PDGFRL: variants seen among roughly 807,000 people sequenced by gnomAD.
PDGFRL encodes platelet derived growth factor receptor like, also known as platelet-derived growth factor receptor-like protein.
Under a neutral mutation model 37.2 loss-of-function variants are expected in PDGFRL, and 46 were observed. The observed-to-expected ratio is 1.24, with a 90% CI of 0.98 to 1.58. PDGFRL has a LOEUF of 1.58. Among genes scored for constraint, PDGFRL ranks in the 40% most tolerant of loss-of-function variants. The pLI is 0.00. For synonymous variants in PDGFRL, 251 were observed against 184.3 expected, an observed-to-expected ratio of 1.36 and a Z score of -2.93; for missense variants, 692 against 467.6, an observed-to-expected ratio of 1.48 and a Z score of -4.43.
Position 17,628,774 on chromosome 8 carries a change from G to C in PDGFRL, c.793G>C (p.Val265Leu), listed in dbSNP as rs778509337. ...CTCCGTCAAGTACCAGCTGCTCTAT[G>C]TGGCGGGTAAGCCTGGCCACCCCTG... ...QISVKYQLLY[V>L]AVPSGPPSTT... is the part of the protein sequence containing the mutation. Residue 265 changes from valine to leucine, a missense_variant, in exon 4 of 6, where the codon GTG becomes CTG. Val to Leu is a conservative substitution (Grantham distance 32). Coordinates refer to ENST00000251630, the MANE Select transcript of PDGFRL (RefSeq NM_001372073.1). The C allele has an allele frequency of 6.6e-5, 106 of 1,612,682 alleles. No individual in the cohort carries two copies. The highest frequency in any genetic ancestry group is 8.5e-5 in the Non-Finnish European group (100 of 1,178,906).
chr8:17,634,235 C>G, intron 5 of PDGFRL, 22 bp downstream of exon 5: 4 of 1,583,870 alleles, frequency 2.5e-6, no homozygotes, highest in Non-Finnish European at 2.6e-6. Flanking sequence ...ACCTGCATCT[C>G]AGCCCCTGCG....
intron 1 of PDGFRL, among the ~76,000 whole-genome samples, chr8:17,577,592 C>T (rs2150804447): frequency 6.6e-6 from 1 of 151,898 alleles, no homozygotes; most frequent in South Asian, 2.1e-4. Context: ...ACCAAGCATC[C>T]CCAGCCAGCG....
intron 2 of PDGFRL, 68 bp downstream of exon 2, chr8:17,589,833 CTAT>C (rs900169455): frequency 1.1e-6 from 1 of 902,028 alleles, no homozygotes; most frequent in African/African-American, 1.7e-5. Flanking sequence ...TCCTTCTTAA[CTAT>C]TATTACACAT....
chr8:17,639,264 A>G (rs1320765226), intron 5 of PDGFRL, among the ~76,000 whole-genome samples: 1 of 152,108 alleles, frequency 6.6e-6, no homozygotes, highest in African/African-American at 2.4e-5. Context: ...TACATTCAAC[A>G]TTAGTATTCA....
At chr8:17,617,568 A>G (rs1804553530) in intron 2 of PDGFRL, among the ~76,000 whole-genome samples, 1 of 152,166 alleles carries the variant, frequency 6.6e-6, no homozygotes, top group Non-Finnish European at 1.5e-5. Flanking sequence ...AGACGATGAG[A>G]TACCATTGGT....
intron 2 of PDGFRL, among the ~76,000 whole-genome samples, chr8:17,598,236 A>G (rs1468341252): frequency 6.6e-6 from 1 of 152,236 alleles, no homozygotes; most frequent in Non-Finnish European, 1.5e-5. Context: ...ATTACTAACC[A>G]GCAAAGTGGT....
At position 17,604,694 on chromosome 8, in the gene PDGFRL, C is replaced by G. The variant is rs938056333; in HGVS notation, c.353+14929C>G. ...GGCACATGTATACATATGTAACAAA[C>G]CTGCACGTCATGCACATGTACTCTA... is the stretch of plus-strand genomic sequence containing the variant. On this transcript the variant is annotated intron_variant, in intron 2 of 5. Coordinates refer to ENST00000251630, the MANE Select transcript of PDGFRL (RefSeq NM_001372073.1). Among the ~76,000 whole-genome samples the G allele has an allele frequency of 1.8e-4, 27 of 152,016 alleles. 1 individual carries two copies. The highest frequency in any genetic ancestry group is 6.3e-4 in the African/African-American group (26 of 41,344).
Position 17,628,458 on chromosome 8 carries a change from A to G in PDGFRL, c.506-29A>G, listed in dbSNP as rs779299385. ...CTTTTACTTTGCGTCTCCGGAGTGA[A>G]TAAGCCTGTGTCTTCCTTCCCTTTG... On this transcript the variant is annotated intron_variant, in intron 3 of 5. Transcript: ENST00000251630. 7 of 1,599,090 alleles carry G rather than the reference A, an allele frequency of 4.4e-6. No individual in the cohort carries two copies. The East Asian group carries it at 1.1e-4, about 26-fold the overall frequency.
At chr8:17,577,178 CG>C, upstream of PDGFRL, 1 of 1,558,186 alleles carries the variant, frequency 6.4e-7, no homozygotes, top group Non-Finnish European at 8.7e-7. Flanking sequence ...GCCCGCCCCT[CG>C]CCCGCCGCCT....
chr8:17,607,652 T>A (rs994701551), intron 2 of PDGFRL, among the ~76,000 whole-genome samples: 1 of 152,168 alleles, frequency 6.6e-6, no homozygotes, highest in African/African-American at 2.4e-5. Flanking sequence ...TGCATGTATT[T>A]TATGAGTGAA....
At position 17,634,221 on chromosome 8, in the gene PDGFRL, T is replaced by C. The variant is rs7006613; in HGVS notation, c.939+8T>C. Reference sequence around the variant, plus strand: ...ATCTTCCCAGGGCAGAAGGTAAGTGTTGTACCTGCATCTCAGCCCCTGCGT... The same window carrying C: ...ATCTTCCCAGGGCAGAAGGTAAGTGCTGTACCTGCATCTCAGCCCCTGCGT... On this transcript the variant is annotated splice_region_variant and intron_variant, in intron 5 of 5. Coordinates refer to ENST00000251630, the MANE Select transcript of PDGFRL (RefSeq NM_001372073.1). 0.2 allele frequency: 326,386 copies of C among 1,601,214 alleles called. 47,258 individuals carry two copies. Among genetic ancestry groups the C allele is most frequent in the African/African-American group, 0.68 (50,947 of 74,674 alleles).
chr8:17,639,135 C>T (rs1182724875), intron 5 of PDGFRL, among the ~76,000 whole-genome samples: 1 of 152,034 alleles, frequency 6.6e-6, no homozygotes, highest in Non-Finnish European at 1.5e-5. Context: ...AGCCCTTTAC[C>T]ATAAGTTTAT....
At chr8:17,629,391 A>G (rs185265329) in intron 4 of PDGFRL, among the ~76,000 whole-genome samples, 10 of 151,846 alleles carry the variant, frequency 6.6e-5, no homozygotes, top group East Asian at 5.8e-4. Flanking sequence ...CAGGTCTTCT[A>G]TGTCCCCAAA....
intron 5 of PDGFRL, among the ~76,000 whole-genome samples, chr8:17,638,626 A>T (rs547030657): frequency 1.3e-5 from 2 of 150,368 alleles, no homozygotes; most frequent in Non-Finnish European, 3.0e-5. Context: ...TTACCTATCT[A>T]TTGCTGACAG....
intron 4 of PDGFRL, among the ~76,000 whole-genome samples, chr8:17,630,444 G>A (rs1349297552): frequency 6.6e-6 from 1 of 152,126 alleles, no homozygotes. Context: ...TGGTCATGTC[G>A]AGTTTCCCTT....
At chr8:17,601,811 A>G (rs1307087340) in intron 2 of PDGFRL, among the ~76,000 whole-genome samples, 2 of 151,974 alleles carry the variant, frequency 1.3e-5, no homozygotes, top group Non-Finnish European at 2.9e-5. Context: ...ATTCTTTTTT[A>G]TGGTTGTGTA....
At chr8:17,625,767 C>T (rs886562407) in intron 3 of PDGFRL, among the ~76,000 whole-genome samples, 1 of 152,150 alleles carries the variant, frequency 6.6e-6, no homozygotes, top group Non-Finnish European at 1.5e-5. Context: ...GGCAGGAGGA[C>T]TGCTTGAGTC....
At chr8:17,638,180 A>G (rs1288904039) in intron 5 of PDGFRL, among the ~76,000 whole-genome samples, 2 of 152,168 alleles carry the variant, frequency 1.3e-5, no homozygotes, top group African/African-American at 2.4e-5. Flanking sequence ...GTAGTCATTT[A>G]ATGCTATGAA....
At chr8:17,609,546 G>T (rs1355747454) in intron 2 of PDGFRL, among the ~76,000 whole-genome samples, 1 of 141,122 alleles carries the variant, frequency 7.1e-6, no homozygotes, top group African/African-American at 2.6e-5. Flanking sequence ...GCTAAAGCAG[G>T]AGAATCGCTT....
Sources: gnomAD v4.1 joint callset for allele counts (sites outside exome capture counted in the v4.1 genomes callset) on GRCh38, gnomAD v4.1.1 for gene constraint, MANE v1.5 for transcripts, NCBI Gene and HGNC (gene_info 2026-07-23, HGNC 2026-07-21) for gene names.